The following SP4 variants were observed in gnomAD, a reference collection of about 807,000 sequenced individuals.
The protein encoded by SP4 is Sp4 transcription factor.
Under a neutral mutation model 72.8 loss-of-function variants are expected in SP4, and 19 were observed. The ratio of observed to expected loss-of-function variants is 0.26; its 90% CI spans 0.18 to 0.38. The LOEUF (loss-of-function observed/expected upper bound fraction) is 0.38, where lower values mean the gene tolerates loss of function less well. Ranked by LOEUF, SP4 falls within the 10% of genes least tolerant of loss-of-function variation. The pLI is 1.00. For synonymous variants in SP4, 395 were observed against 333.1 expected, an observed-to-expected ratio of 1.19 and a Z score of -2.02; for missense variants, 1,008 against 926.3, an observed-to-expected ratio of 1.09 and a Z score of -1.14.
intron 3 of SP4, among the ~76,000 whole-genome samples, chr7:21,434,655 A>G (rs1782986938): frequency 6.6e-6 from 1 of 152,186 alleles, no homozygotes; most frequent in South Asian, 2.1e-4. Context: ...CGGTTGTGTT[A>G]CATGGATATA....
rs1357650905 is a variant in SP4 at position 21,514,041 on chromosome 7, T to C, written c.*2772T>C. ...CTGTTCATTCCCTTTACCACCGTTATAAAACTTTTCTTTATTGTAATTATC... is the reference window on the plus strand; with the variant it reads ...CTGTTCATTCCCTTTACCACCGTTACAAAACTTTTCTTTATTGTAATTATC... On this transcript the variant is annotated 3_prime_UTR_variant, in exon 6 of 6. Transcript: ENST00000222584. The C allele has an allele frequency of 6.6e-6, 1 of 152,638 alleles. No homozygotes were observed. The highest frequency in any genetic ancestry group is 1.5e-5 in the Non-Finnish European group (1 of 68,012). The allele number at this position is 152,638 out of a possible 1,614,324, so 9.5% of individuals were successfully genotyped here.
chr7:21,448,928 T>C (rs1485125415), intron 3 of SP4, among the ~76,000 whole-genome samples: 1 of 152,238 alleles, frequency 6.6e-6, no homozygotes, highest in Non-Finnish European at 1.5e-5. Context: ...TTTTATTTTA[T>C]GTATTATGCT....
chr7:21,450,966 C>G (rs931661745), intron 3 of SP4, among the ~76,000 whole-genome samples: 9 of 152,186 alleles, frequency 5.9e-5, no homozygotes, highest in African/African-American at 1.9e-4. Context: ...ACATGAGAGT[C>G]AAGTGTGTGG....
rs1394456792 is a variant in SP4 at position 21,430,743 on chromosome 7, G to A, written c.1578G>A (p.Gln526=). Residue 526 remains glutamine (Q), a synonymous_variant, in exon 3 of 6, where the codon CAG becomes CAA. Transcript: ENST00000222584. ...CCCCAATAACTTTGAATACTGCCCA[G>A]CTTGCATCAGTGCCTAACCTTCAGA... ...AGAPITLNTA[Q]LASVPNLQTV... 1 of 1,614,230 alleles carries A rather than the reference G, an allele frequency of 6.2e-7. No individual in the cohort carries two copies.
intron 5 of SP4, among the ~76,000 whole-genome samples, chr7:21,498,799 C>T (rs757474095): frequency 7.2e-5 from 11 of 152,034 alleles, no homozygotes; most frequent in South Asian, 4.2e-4. Flanking sequence ...GAAAAGAAAT[C>T]GTTAGGCCGG....
At chr7:21,492,671 AAATC>A (rs1460690016) in intron 5 of SP4, among the ~76,000 whole-genome samples, 1 of 152,258 alleles carries the variant, frequency 6.6e-6, no homozygotes, top group Non-Finnish European at 1.5e-5. Context: ...AAATCTAATC[AAATC>A]AATCATTACA....
chr7:21,490,989 G>A (rs1784962626), intron 5 of SP4, among the ~76,000 whole-genome samples: 1 of 152,168 alleles, frequency 6.6e-6, no homozygotes, highest in Non-Finnish European at 1.5e-5. Context: ...GCAATATAAT[G>A]TCCAAAATGT....
intron 3 of SP4, among the ~76,000 whole-genome samples, chr7:21,470,865 G>A (rs913785782): frequency 3.3e-5 from 5 of 151,988 alleles, no homozygotes; most frequent in African/African-American, 1.2e-4. Flanking sequence ...TAAAAGAACG[G>A]CCATCCTCAG....
intron 3 of SP4, among the ~76,000 whole-genome samples, chr7:21,439,108 C>A (rs1254456780): frequency 6.6e-6 from 1 of 152,114 alleles, no homozygotes; most frequent in Non-Finnish European, 1.5e-5. Context: ...CATATTCCCC[C>A]CTCTGATAAG....
chr7:21,434,953 G>T (rs1205363527), intron 3 of SP4, among the ~76,000 whole-genome samples: 1 of 152,076 alleles, frequency 6.6e-6, no homozygotes, highest in Non-Finnish European at 1.5e-5. Context: ...TTTTAACTAA[G>T]TGAGGAGAGT....
intron 5 of SP4, among the ~76,000 whole-genome samples, chr7:21,495,954 G>A (rs2128414814): frequency 6.6e-6 from 1 of 152,302 alleles, no homozygotes; most frequent in East Asian, 1.9e-4. Context: ...CCACATGGAT[G>A]AAACTCAGAT....
rs749651680 is a variant in SP4 at position 21,429,354 on chromosome 7, A to C, written c.189A>C (p.Glu63Asp). 1.2e-6 allele frequency: 2 copies of C among 1,614,020 alleles called. No homozygotes were observed. The highest frequency in any genetic ancestry group is 1.7e-6 in the Non-Finnish European group (2 of 1,179,994). ...GCAGCAAAATAGGGACTCCTGGTGAAAATCAAGCAACTGGACAACAACAAA... is the reference window on the plus strand; with the variant it reads ...GCAGCAAAATAGGGACTCCTGGTGACAATCAAGCAACTGGACAACAACAAA... ...ATCSKIGTPG[E>D]NQATGQQQII... The change falls in exon 3 of 6, where the codon GAA becomes GAC. Residue 63 changes from glutamate to aspartate, a missense_variant. Glu to Asp is a conservative substitution (Grantham distance 45, BLOSUM62 2). Transcript: ENST00000222584.
chr7:21,488,479 C>CTTT lies in SP4; in HGVS notation c.2107+6369_2107+6371dup, dbSNP rs59893862. Among the ~76,000 whole-genome samples, 503 of 133,170 alleles carry CTTT rather than the reference C, an allele frequency of 3.8e-3. 8 individuals are homozygous for CTTT. Among genetic ancestry groups the CTTT allele is most frequent in the African/African-American group, 7.2e-3 (254 of 35,436 alleles). 87.4% of individuals were successfully genotyped at this position (133,170 alleles called of 152,430 possible). On this transcript the variant is annotated intron_variant, in intron 5 of 5. Coordinates refer to ENST00000222584, the MANE Select transcript of SP4 (RefSeq NM_003112.5). ...TTGTTTTGCTGATGGACTTCCTTTC[C>CTTT]TTTTTTTTTTTTTTTGTTATTGTAG... is the stretch of plus-strand genomic sequence containing the variant.
At chr7:21,459,354 T>C (rs1004120122) in intron 3 of SP4, among the ~76,000 whole-genome samples, 2 of 152,080 alleles carry the variant, frequency 1.3e-5, no homozygotes, top group Non-Finnish European at 2.9e-5. Context: ...CTCCTGACCT[T>C]GTGATCCACC....
intron 1 of SP4, among the ~76,000 whole-genome samples, 153 bp from the exon 2 acceptor site, chr7:21,428,524 C>T (rs1177258611): frequency 1.3e-5 from 2 of 152,156 alleles, no homozygotes; most frequent in East Asian, 3.9e-4. Context: ...TCCCTTCCCT[C>T]CTTCTCCCCC....
intron 3 of SP4, among the ~76,000 whole-genome samples, chr7:21,462,223 C>A (rs1784016360): frequency 1.3e-5 from 2 of 151,758 alleles, no homozygotes. Context: ...TGGGGTTTTG[C>A]CATGTTGCCC....
At chr7:21,509,543 C>T (rs1782091957) in intron 5 of SP4, among the ~76,000 whole-genome samples, 1 of 151,700 alleles carries the variant, frequency 6.6e-6, no homozygotes. Context: ...GGAGGTGCAT[C>T]TTCTTTGTGT....
chr7:21,472,196 C>T (rs369781584), intron 3 of SP4, among the ~76,000 whole-genome samples: 1 of 152,058 alleles, frequency 6.6e-6, no homozygotes, highest in Non-Finnish European at 1.5e-5. Flanking sequence ...TAGATGAGGT[C>T]CCCCAAGAAG....
chr7:21,431,569 C>T (rs1782855391), intron 3 of SP4, among the ~76,000 whole-genome samples: 1 of 152,168 alleles, frequency 6.6e-6, no homozygotes, highest in South Asian at 2.1e-4. Flanking sequence ...AGTAAAATGT[C>T]ACTAATTTGA....
Sources: allele counts gnomAD v4.1 joint callset (sites outside exome capture counted in the v4.1 genomes callset), GRCh38; gene constraint gnomAD v4.1.1; transcripts MANE v1.5; gene names NCBI Gene and HGNC (gene_info 2026-07-23, HGNC 2026-07-21).